Variants in SATB1 observed in about 807,000 individuals in gnomAD.
SATB1 encodes SATB homeobox 1.
In SATB1, 11 loss-of-function variants were observed where a neutral mutation model predicts 86.9. That is an observed-to-expected ratio of 0.13 (90% CI 0.08 to 0.21). The LOEUF is 0.21. Ranked by LOEUF, SATB1 falls within the 10% of genes least tolerant of loss-of-function variation. SATB1 has a pLI of 1.00. For synonymous variants in SATB1, 357 were observed against 357.2 expected (o/e 1.00, Z 0.01); for missense variants, 551 against 937.6 (o/e 0.59, Z 5.39).
intron 7 of SATB1, among the ~76,000 whole-genome samples, chr3:18,390,152 A>G (rs1241455375): frequency 6.6e-6 from 1 of 152,194 alleles, no homozygotes; most frequent in African/African-American, 2.4e-5. Flanking sequence ...TCTTTAAAAC[A>G]GCAGATAAGC....
At chr3:18,389,109 AT>A (rs1696495833) in intron 7 of SATB1, among the ~76,000 whole-genome samples, 1 of 152,042 alleles carries the variant, frequency 6.6e-6, no homozygotes, top group South Asian at 2.1e-4. Flanking sequence ...GGGGCAAAGC[AT>A]TTTACTACCA....
chr3:18,385,736 C>T (rs1696311078), intron 8 of SATB1, among the ~76,000 whole-genome samples: 1 of 151,790 alleles, frequency 6.6e-6, no homozygotes, highest in South Asian at 2.1e-4. Flanking sequence ...TGAATTATAA[C>T]AGTTATGAGG....
chr3:18,428,629 C>T (rs892446979), upstream of SATB1, among the ~76,000 whole-genome samples: 1 of 152,094 alleles, frequency 6.6e-6, no homozygotes, highest in Admixed American at 6.5e-5. Context: ...GTCTGGCCAT[C>T]AAAATAGAAA....
At chr3:18,407,283 A>G (rs949654084) in intron 5 of SATB1, among the ~76,000 whole-genome samples, 1 of 152,062 alleles carries the variant, frequency 6.6e-6, no homozygotes, top group Admixed American at 6.6e-5. Context: ...AAAATACATC[A>G]TAACTTTATA....
intron 5 of SATB1, chr3:18,409,228 A>T (rs1003899706): frequency 1.3e-5 from 2 of 152,086 alleles, no homozygotes; most frequent in African/African-American, 4.8e-5. Flanking sequence ...TTTAAATTAG[A>T]TGCTTTATTA....
rs1696880307 is a variant in SATB1 at position 18,394,835 on chromosome 3, G to A, written c.833C>T (p.Thr278Ile). The A allele has an allele frequency of 6.2e-7, 1 of 1,614,042 alleles. No individual in the cohort carries two copies. The highest frequency in any genetic ancestry group is 8.5e-7 in the Non-Finnish European group (1 of 1,179,994). ...CGCAGGGGATGGAGGCTGCTCGGCT[G>A]TGTTCCCTGGAACTGGTTGCTGGCC... is the stretch of plus-strand genomic sequence containing the variant. ...NFGQQPVPGNTAEQPPSPAQL... is the reference protein window; with the variant it reads ...NFGQQPVPGNIAEQPPSPAQL... Residue 278 changes from threonine (T) to isoleucine (I), a missense_variant, in exon 7 of 11, where the codon ACA becomes ATA. Physicochemically the swap from Thr to Ile is moderately conservative, Grantham distance 89. This residue lies in a region of SATB1 where 119 missense variants were observed against 171.1 expected (regional missense o/e 0.70). Transcript: ENST00000338745. The surrounding 1 kb of genome is among the most constrained non-coding windows in gnomAD (Gnocchi z 5.9).
intron 9 of SATB1, among the ~76,000 whole-genome samples, chr3:18,374,981 C>A (rs955939312): frequency 6.6e-6 from 1 of 152,172 alleles, no homozygotes; most frequent in African/African-American, 2.4e-5. Context: ...ACCAATGACA[C>A]AACCTGGATC....
rs1257733787 is a variant in SATB1, at chr3:18,424,263, T to A, written c.-661A>T. The stretch of plus-strand genomic sequence containing the variant: ...TGGCTGTCACTTGCAATATTATTCT[T>A]CAATAACCCCGAATAACGCGCATTG... On this transcript the variant is annotated 5_prime_UTR_variant, in exon 1 of 11. The change abolishes the stop of an existing upstream ORF in the 5' untranslated region. Transcript: ENST00000338745. The A allele has an allele frequency of 6.6e-6, 1 of 152,034 alleles. No homozygotes were observed. The highest frequency in any genetic ancestry group is 1.5e-5 in the Non-Finnish European group (1 of 68,026). The allele number at this position is 152,034 out of a possible 1,614,324, so 9.4% of individuals were successfully genotyped here.
intron 5 of SATB1, among the ~76,000 whole-genome samples, chr3:18,400,662 A>G (rs552605634): frequency 1.3e-5 from 2 of 152,334 alleles, no homozygotes; most frequent in East Asian, 3.9e-4. Context: ...AGAGCCTGTA[A>G]CATATTACAT....
intron 2 of SATB1, 87 bp from the exon 3 acceptor site, chr3:18,417,165 G>T: frequency 7.5e-7 from 1 of 1,340,482 alleles, no homozygotes; most frequent in Non-Finnish European, 1.0e-6. Flanking sequence ...TATTAGCCAT[G>T]AAAATAAATA....
In SATB1 at chr3:18,437,379, C is replaced by A. The variant is rs74813930; in HGVS notation, c.-107-508G>T. Reference sequence around the variant, plus strand: ...AAAATTAAGTTGCTTTAGTAGAAAACCTTTCATAATTCTGAACCAAAACCC... The same window carrying A: ...AAAATTAAGTTGCTTTAGTAGAAAAACTTTCATAATTCTGAACCAAAACCC... On this transcript the variant is annotated intron_variant, in intron 1 of 3. Coordinates refer to the SATB1 transcript ENST00000414509. 6.3e-3 allele frequency among the ~76,000 whole-genome samples: 957 copies of A among 152,058 alleles called. 8 individuals carry two copies. Among genetic ancestry groups the A allele is most frequent in the Middle Eastern group, 0.01 (3 of 294 alleles).
At chr3:18,432,757 CA>C (rs1698928089) in intron 2 of SATB1, among the ~76,000 whole-genome samples, 1 of 145,656 alleles carries the variant, frequency 6.9e-6, no homozygotes, top group East Asian at 2.0e-4. Context: ...TAGAAACAGT[CA>C]AAATGGCGTA....
At chr3:18,411,513 CA>C (rs1351002917) in intron 5 of SATB1, among the ~76,000 whole-genome samples, 2 of 151,894 alleles carry the variant, frequency 1.3e-5, no homozygotes, top group Non-Finnish European at 2.9e-5. Context: ...GGAAAATAAG[CA>C]TCAAAATGTT....
intron 9 of SATB1, among the ~76,000 whole-genome samples, chr3:18,371,416 T>A (rs1308167966): frequency 6.6e-6 from 1 of 152,196 alleles, no homozygotes; most frequent in South Asian, 2.1e-4. Flanking sequence ...GGGTGGTCTA[T>A]GATTTGTGTC....
chr3:18,365,903 A>T (rs1695161536), intron 9 of SATB1, among the ~76,000 whole-genome samples: 1 of 152,210 alleles, frequency 6.6e-6, no homozygotes, highest in Admixed American at 6.5e-5. Flanking sequence ...ATTAATTGCA[A>T]GCCAGGAAGA....
intron 1 of SATB1, among the ~76,000 whole-genome samples, chr3:18,423,068 G>C (rs934374508): frequency 6.6e-6 from 1 of 152,056 alleles, no homozygotes; most frequent in Non-Finnish European, 1.5e-5. Context: ...CTCTATGCCC[G>C]GGCTAAAGTT....
chr3:18,437,771 C>A (rs551278539), intron 1 of SATB1, among the ~76,000 whole-genome samples: 5 of 152,068 alleles, frequency 3.3e-5, no homozygotes, highest in Admixed American at 6.5e-5. Context: ...AACAGTACAT[C>A]TAAGTATCAT....
At chr3:18,381,338 A>T (rs1403413954) in intron 8 of SATB1, among the ~76,000 whole-genome samples, 1 of 152,216 alleles carries the variant, frequency 6.6e-6, no homozygotes, top group Non-Finnish European at 1.5e-5. Flanking sequence ...GCTTTTACAC[A>T]AGCAAAATTA....
At chr3:18,414,625 T>G (rs1212266639) in intron 5 of SATB1, among the ~76,000 whole-genome samples, 1 of 152,100 alleles carries the variant, frequency 6.6e-6, no homozygotes, top group East Asian at 1.9e-4. Flanking sequence ...TTCATAATTA[T>G]TTGTACTAAA....
Sources: allele counts gnomAD v4.1 joint callset (sites outside exome capture counted in the v4.1 genomes callset), GRCh38; gene constraint gnomAD v4.1.1; regional missense constraint gnomAD v4.1.1; non-coding constraint Gnocchi (gnomAD v3.1); transcripts MANE v1.5; gene names NCBI Gene and HGNC (gene_info 2026-07-23, HGNC 2026-07-21).